EEFSEC: variants seen among roughly 807,000 people sequenced by gnomAD.
EEFSEC encodes the protein eukaryotic elongation factor, selenocysteine-tRNA specific.
A neutral mutation model predicts 42.1 loss-of-function variants in EEFSEC; 43 were observed. The ratio of observed to expected loss-of-function variants is 1.02; its 90% CI spans 0.80 to 1.32. The LOEUF is 1.32. Among genes scored for constraint, EEFSEC ranks in the 40% most tolerant of loss-of-function variants. The pLI is 0.00. For synonymous variants in EEFSEC, 354 were observed against 339.1 expected (o/e 1.04, Z -0.48); for missense variants, 745 against 803.6 (o/e 0.93, Z 0.88).
intron 5 of EEFSEC, among the ~76,000 whole-genome samples, chr3:128,349,236 G>C (rs1490455492): frequency 6.6e-6 from 1 of 152,112 alleles, no homozygotes; most frequent in Non-Finnish European, 1.5e-5. Flanking sequence ...CCTGCAGGGG[G>C]GAGTAATGCA....
chr3:128,294,902 G>A (rs997289858), intron 4 of EEFSEC, among the ~76,000 whole-genome samples: 2 of 152,208 alleles, frequency 1.3e-5, no homozygotes, highest in African/African-American at 4.8e-5. Context: ...GTGTGTTGCT[G>A]CCATTTTGAT....
chr3:128,248,247 A>G (rs2066148145), intron 2 of EEFSEC, among the ~76,000 whole-genome samples: 1 of 152,204 alleles, frequency 6.6e-6, no homozygotes, highest in Non-Finnish European at 1.5e-5. Context: ...GCCTGAGACA[A>G]TATCCTGCCA....
chr3:128,297,214 C>T (rs1390696435), intron 4 of EEFSEC, among the ~76,000 whole-genome samples: 1 of 151,928 alleles, frequency 6.6e-6, no homozygotes, highest in Non-Finnish European at 1.5e-5. Context: ...CTGAAGGCCC[C>T]GGTCCCCCAA....
At chr3:128,343,220 G>A (rs1488368983) in intron 5 of EEFSEC, among the ~76,000 whole-genome samples, 1 of 152,178 alleles carries the variant, frequency 6.6e-6, no homozygotes, top group Non-Finnish European at 1.5e-5. Context: ...CTCCGCTCCA[G>A]GTCTCCGTCC....
At chr3:128,407,996 C>A in intron 6 of EEFSEC, 73 bp from the exon 7 acceptor site, 1 of 1,389,944 alleles carries the variant, frequency 7.2e-7, no homozygotes, top group South Asian at 1.4e-5. Context: ...GTCTAGGCAG[C>A]AGGTGCGCGG....
At chr3:128,200,421 T>G in intron 1 of EEFSEC, among the ~76,000 whole-genome samples, 1 of 152,236 alleles carries the variant, frequency 6.6e-6, no homozygotes, top group African/African-American at 2.4e-5. Context: ...CCCCAGTAGC[T>G]GGGATTACAG....
chr3:128,291,431 T>C (rs1265200067), intron 4 of EEFSEC, among the ~76,000 whole-genome samples: 1 of 152,208 alleles, frequency 6.6e-6, no homozygotes, highest in Non-Finnish European at 1.5e-5. Flanking sequence ...TTCTCTCACC[T>C]TTTCTTTGCC....
intron 6 of EEFSEC, among the ~76,000 whole-genome samples, chr3:128,407,449 T>TG (rs2068130690): frequency 6.6e-6 from 1 of 152,108 alleles, no homozygotes; most frequent in Non-Finnish European, 1.5e-5. Flanking sequence ...GAGAATGGCG[T>TG]GGGGCAGGGA....
intron 2 of EEFSEC, among the ~76,000 whole-genome samples, chr3:128,252,618 T>C (rs1452932462): frequency 1.3e-5 from 2 of 152,174 alleles, no homozygotes; most frequent in Non-Finnish European, 2.9e-5. Context: ...AAATGTTGGC[T>C]GTTTTGAATC....
At chr3:128,380,759 T>C (rs927897727) in intron 6 of EEFSEC, among the ~76,000 whole-genome samples, 4 of 152,254 alleles carry the variant, frequency 2.6e-5, no homozygotes, top group African/African-American at 9.6e-5. Flanking sequence ...ACCTGCGACC[T>C]GTTGGGTGGG....
intron 4 of EEFSEC, among the ~76,000 whole-genome samples, chr3:128,301,224 G>A (rs905198168): frequency 6.6e-6 from 1 of 152,192 alleles, no homozygotes; most frequent in African/African-American, 2.4e-5. Flanking sequence ...CTTGCCAGTG[G>A]TGGTGAAAGG....
At chr3:128,265,161 G>A (rs1245790386) in intron 4 of EEFSEC, among the ~76,000 whole-genome samples, 2 of 152,172 alleles carry the variant, frequency 1.3e-5, no homozygotes. Context: ...GACGCTGTAC[G>A]TCAGGGTGGC....
intron 1 of EEFSEC, among the ~76,000 whole-genome samples, chr3:128,220,861 TG>T (rs1341505221): frequency 3.4e-4 from 52 of 152,330 alleles, no homozygotes; most frequent in African/African-American, 1.2e-3. Context: ...GGCTGGGCGG[TG>T]GGACAGATGA....
intron 1 of EEFSEC, among the ~76,000 whole-genome samples, chr3:128,236,137 G>A (rs554810358): frequency 1.7e-4 from 26 of 152,254 alleles, no homozygotes; most frequent in African/African-American, 5.8e-4. Flanking sequence ...CACCCCATCC[G>A]GCTAATTTTG....
chr3:128,365,290 C>T (rs1248402047), intron 6 of EEFSEC, among the ~76,000 whole-genome samples: 1 of 152,180 alleles, frequency 6.6e-6, no homozygotes, highest in Non-Finnish European at 1.5e-5. Context: ...CTCTGTGAAC[C>T]ACTCTCTGGT....
chr3:128,395,208 T>C (rs1351355762), intron 6 of EEFSEC, among the ~76,000 whole-genome samples: 3 of 152,140 alleles, frequency 2.0e-5, no homozygotes, highest in Admixed American at 2.0e-4. Flanking sequence ...GACAGGAGGT[T>C]TCAGCATGTG....
intron 1 of EEFSEC, among the ~76,000 whole-genome samples, chr3:128,233,723 T>TG (rs2065981366): frequency 6.6e-6 from 1 of 152,226 alleles, no homozygotes; most frequent in Non-Finnish European, 1.5e-5. Flanking sequence ...TGCAGGCTCT[T>TG]AGACTCTGGC....
At chr3:128,309,152 A>G (rs187939779) in intron 4 of EEFSEC, among the ~76,000 whole-genome samples, 17 of 152,190 alleles carry the variant, frequency 1.1e-4, no homozygotes, top group Admixed American at 3.9e-4. Flanking sequence ...CACAAACTGT[A>G]AGTGTAGTCC....
At chr3:128,323,057 A>G (rs1027642686) in intron 4 of EEFSEC, among the ~76,000 whole-genome samples, 3 of 152,194 alleles carry the variant, frequency 2.0e-5, no homozygotes, top group African/African-American at 7.2e-5. Flanking sequence ...AAGTTTTAAG[A>G]TATTTAATAT....
Sources: gnomAD v4.1 joint callset for allele counts (sites outside exome capture counted in the v4.1 genomes callset) on GRCh38, gnomAD v4.1.1 for gene constraint, MANE v1.5 for transcripts, NCBI Gene and HGNC (gene_info 2026-07-23, HGNC 2026-07-21) for gene names.